Variants in PRKCE observed in about 807,000 individuals in gnomAD.
The protein encoded by PRKCE is protein kinase C epsilon, also known as protein kinase C epsilon type.
Under a neutral mutation model 85.4 loss-of-function variants are expected in PRKCE, and 16 were observed. That is an observed-to-expected ratio of 0.19 (90% confidence interval 0.13 to 0.28). The LOEUF (loss-of-function observed/expected upper bound fraction) is 0.28. Among genes scored for constraint, PRKCE ranks in the 10% least tolerant of loss-of-function variants. PRKCE has a pLI of 1.00. For missense variants in PRKCE, 573 were observed against 975.2 expected (o/e 0.59, Z 5.49); for synonymous variants, 388 against 371.5 (o/e 1.04, Z -0.51).
At chr2:45,889,792 T>A (rs943841496) in intron 2 of PRKCE, among the ~76,000 whole-genome samples, 2 of 152,224 alleles carry the variant, frequency 1.3e-5, no homozygotes, top group African/African-American at 4.8e-5. Context: ...ATTCTGGGAC[T>A]GATACCAGCT....
chr2:45,971,330 T>G (rs962602552), intron 2 of PRKCE, among the ~76,000 whole-genome samples: 3 of 152,260 alleles, frequency 2.0e-5, no homozygotes, highest in Non-Finnish European at 2.9e-5. Context: ...TTACCCCAAA[T>G]GGCAGGATTT....
intron 10 of PRKCE, among the ~76,000 whole-genome samples, chr2:46,053,743 A>G (rs1666284460): frequency 6.6e-6 from 1 of 151,788 alleles, no homozygotes; most frequent in Non-Finnish European, 1.5e-5. Flanking sequence ...TTGCTTCTCC[A>G]TTTATCCTGT....
intron 2 of PRKCE, among the ~76,000 whole-genome samples, chr2:45,871,261 G>A (rs1188836417): frequency 6.6e-6 from 1 of 152,224 alleles, no homozygotes; most frequent in Non-Finnish European, 1.5e-5. Context: ...GGCTTTGAGA[G>A]CATTTCATGC....
chr2:46,176,320 G>T (rs1418432988), intron 14 of PRKCE, among the ~76,000 whole-genome samples: 3 of 151,978 alleles, frequency 2.0e-5, no homozygotes, highest in Admixed American at 1.3e-4. Flanking sequence ...GTGCGTTGAA[G>T]CTCCCCCAGG....
chr2:46,034,816 C>T (rs1381556935), intron 10 of PRKCE, among the ~76,000 whole-genome samples: 1 of 152,234 alleles, frequency 6.6e-6, no homozygotes, highest in Non-Finnish European at 1.5e-5. Context: ...TAGTGCCATG[C>T]ACGTATCAGA....
At chr2:45,687,997 C>T (rs568988880) in intron 1 of PRKCE, among the ~76,000 whole-genome samples, 1 of 152,210 alleles carries the variant, frequency 6.6e-6, no homozygotes, top group East Asian at 1.9e-4. Context: ...ATGTGCTCCT[C>T]CCCACTAGGA....
rs554717800 is a variant in PRKCE, at chr2:45,809,161, A to G, written c.349-33839A>G. On this transcript the variant is annotated intron_variant, in intron 1 of 14. Coordinates refer to ENST00000306156, the MANE Select transcript of PRKCE (RefSeq NM_005400.3). ...GGCCCCCTTCTAGTCCTGGAACTCT[A>G]TAGGCATTCATACAGGTCCCTATAA... is the stretch of plus-strand genomic sequence containing the variant. Among the ~76,000 whole-genome samples, 16 of 152,276 alleles carry G rather than the reference A, an allele frequency of 1.1e-4. 1 individual carries two copies. The highest frequency in any genetic ancestry group is 3.6e-4 in the African/African-American group (15 of 41,544).
intron 1 of PRKCE, among the ~76,000 whole-genome samples, chr2:45,777,967 A>G (rs1162086048): frequency 6.6e-6 from 1 of 152,172 alleles, no homozygotes; most frequent in Non-Finnish European, 1.5e-5. Flanking sequence ...GCATGGGAAG[A>G]CTTGGCACCG....
chr2:45,752,418 T>A (rs1683648604), intron 1 of PRKCE, among the ~76,000 whole-genome samples: 1 of 152,132 alleles, frequency 6.6e-6, no homozygotes, highest in Non-Finnish European at 1.5e-5. Context: ...CCCTCCTACA[T>A]CTACTGAGAT....
chr2:46,066,144 G>A (rs1353906198), intron 10 of PRKCE, among the ~76,000 whole-genome samples: 19 of 152,258 alleles, frequency 1.2e-4, no homozygotes, highest in Non-Finnish European at 1.5e-5. Flanking sequence ...CAGAAGTGGT[G>A]AGGGGTTGCA....
intron 10 of PRKCE, among the ~76,000 whole-genome samples, chr2:46,076,475 G>C (rs1318398730): frequency 6.6e-6 from 1 of 152,178 alleles, no homozygotes; most frequent in African/African-American, 2.4e-5. Flanking sequence ...ACTCTAATTA[G>C]AGGCAGGAAA....
chr2:46,081,015 A>G (rs1339349663), intron 10 of PRKCE, among the ~76,000 whole-genome samples: 3 of 148,330 alleles, frequency 2.0e-5, no homozygotes, highest in Non-Finnish European at 4.5e-5. Flanking sequence ...TTTTAGAGGC[A>G]GGGTTTCACC....
At chr2:46,086,096 A>G in intron 10 of PRKCE, 112 bp from the exon 11 acceptor site, 1 of 1,135,292 alleles carries the variant, frequency 8.8e-7, no homozygotes, top group Non-Finnish European at 1.3e-6. Flanking sequence ...CCCACCTTTG[A>G]GGCTTCTTCC....
chr2:45,939,716 A>G (rs1371126911), intron 2 of PRKCE, among the ~76,000 whole-genome samples: 3 of 152,102 alleles, frequency 2.0e-5, no homozygotes, highest in Non-Finnish European at 2.9e-5. Flanking sequence ...CACCAGGCCC[A>G]GCTAATTTTC....
chr2:46,046,093 C>A (rs1228479921), intron 10 of PRKCE, among the ~76,000 whole-genome samples: 1 of 152,188 alleles, frequency 6.6e-6, no homozygotes, highest in Non-Finnish European at 1.5e-5. Context: ...AATGAAATAA[C>A]TCCCTTTCTT....
At chr2:45,884,980 TATATATATA>T (rs1189969886) in intron 2 of PRKCE, among the ~76,000 whole-genome samples, 2 of 66,510 alleles carry the variant, frequency 3.0e-5, no homozygotes, top group East Asian at 5.4e-3. Flanking sequence ...TATATATATA[TATATATATA>T]TATATATATA....
At chr2:46,031,838 C>A (rs944166154) in intron 10 of PRKCE, among the ~76,000 whole-genome samples, 3 of 152,206 alleles carry the variant, frequency 2.0e-5, no homozygotes, top group Non-Finnish European at 2.9e-5. Flanking sequence ...GAATATCCCA[C>A]ATGCTCCTCA....
chr2:45,934,884 C>T (rs1370291185), intron 2 of PRKCE, among the ~76,000 whole-genome samples: 1 of 121,836 alleles, frequency 8.2e-6, no homozygotes, highest in South Asian at 2.9e-4. Flanking sequence ...GAGACCATGT[C>T]TCTACAAAAA....
In PRKCE at chr2:45,945,760, A is replaced by G. The variant is rs995977204; in HGVS notation, c.413-30669A>G. ...CTGTGCTCCACTGGTGGGGGGCCAG[A>G]TTAGAACACAGGCATCTGGCAAAGC... On this transcript the variant is annotated intron_variant, in intron 2 of 14. Transcript: ENST00000306156. Among the ~76,000 whole-genome samples, 4 of 152,258 alleles carry G rather than the reference A, an allele frequency of 2.6e-5. 1 individual carries two copies.
Sources: allele counts gnomAD v4.1 joint callset (sites outside exome capture counted in the v4.1 genomes callset), GRCh38; gene constraint gnomAD v4.1.1; transcripts MANE v1.5; gene names NCBI Gene and HGNC (gene_info 2026-07-23, HGNC 2026-07-21).